The following MMP17 variants were observed in gnomAD, a reference collection of about 807,000 sequenced individuals.
MMP17 encodes the protein matrix metalloproteinase-17.
A neutral mutation model predicts 49.1 loss-of-function variants in MMP17; 54 were observed. That is an observed-to-expected ratio of 1.10 (90% CI 0.88 to 1.38). MMP17 has a LOEUF of 1.38. Among genes scored for constraint, MMP17 ranks in the 40% most tolerant of loss-of-function variants. MMP17 has a pLI of 0.00. For missense variants in MMP17, 837 were observed against 853.7 expected (o/e 0.98, Z 0.24); for synonymous variants, 397 against 383.1 (o/e 1.04, Z -0.42).
intron 1 of MMP17, among the ~76,000 whole-genome samples, chr12:131,832,873 T>G (rs573489028): frequency 6.6e-6 from 1 of 152,154 alleles, no homozygotes; most frequent in South Asian, 2.1e-4. Flanking sequence ...CCAAAGGGCC[T>G]TTGCACTTGC....
Position 131,845,331 on chromosome 12 carries a change from C to G in MMP17, c.1086C>G (p.His362Gln), listed in dbSNP as rs750420686. The stretch of plus-strand genomic sequence containing the variant: ...TCTGGCGGCTGACGCGGGACCGGCA[C>G]CTGGTGTCCCTGCAGCCGGCACAGA... ...KYFWRLTRDR[H>Q]LVSLQPAQMH... is the part of the protein sequence containing the mutation. The change falls in exon 8 of 10, where the codon CAC becomes CAG. Residue 362 changes from histidine (H) to glutamine (Q), a missense_variant. Coordinates refer to ENST00000360564, the MANE Select transcript of MMP17 (RefSeq NM_016155.7). The G allele has an allele frequency of 6.2e-7, 1 of 1,604,900 alleles. No homozygotes were observed. Among genetic ancestry groups the G allele is most frequent in the African/African-American group, 1.3e-5 (1 of 74,962 alleles).
At chr12:131,842,572 G>A (rs910054072) in intron 5 of MMP17, among the ~76,000 whole-genome samples, 1 of 152,034 alleles carries the variant, frequency 6.6e-6, no homozygotes, top group Admixed American at 6.6e-5. Context: ...TCAGGAGTTT[G>A]AGACCAGCCT....
chr12:131,845,325 C>G lies in MMP17; in HGVS notation c.1080C>G (p.Asp360Glu). 1 of 1,605,898 alleles carries G rather than the reference C, an allele frequency of 6.2e-7. No homozygotes were observed. The highest frequency in any genetic ancestry group is 8.5e-7 in the Non-Finnish European group (1 of 1,175,486). ...AGTACTTCTGGCGGCTGACGCGGGA[C>G]CGGCACCTGGTGTCCCTGCAGCCGG... ...KGKYFWRLTRDRHLVSLQPAQ... is the reference protein window; with the variant it reads ...KGKYFWRLTRERHLVSLQPAQ... The change falls in exon 8 of 10, where the codon GAC becomes GAG. Residue 360 changes from aspartate to glutamate, a missense_variant. Physicochemically the swap from Asp to Glu is conservative, Grantham distance 45. Transcript: ENST00000360564.
chr12:131,832,784 C>A (rs558134176), intron 1 of MMP17, among the ~76,000 whole-genome samples: 143 of 152,190 alleles, frequency 9.4e-4, no homozygotes, highest in African/African-American at 3.1e-3. Flanking sequence ...AAGGGCTCCA[C>A]GCGATCTGGC....
At chr12:131,844,677 C>G (rs191485419) in intron 6 of MMP17, 15 of 225,188 alleles carry the variant, frequency 6.7e-5, no homozygotes, top group African/African-American at 4.0e-4. Flanking sequence ...GAGCCACGCT[C>G]TGTGTCGAGT....
rs1887560217 is a variant in MMP17, at chr12:131,844,001, G to T, written c.888G>T (p.Val296=). Residue 296 remains valine, a synonymous_variant, in exon 6 of 10, where the codon GTG becomes GTT. Transcript: ENST00000360564. ...DKVRVWQLYG[V]RESVSPTAQP... Reference sequence around the variant, plus strand: ...CCTCCTCCTTGTCTCCCGCAGGTGTGCGGGAGTCTGTGTCTCCCACGGCGC... The same window carrying T: ...CCTCCTCCTTGTCTCCCGCAGGTGTTCGGGAGTCTGTGTCTCCCACGGCGC... 6.4e-7 allele frequency: 1 copy of T among 1,558,252 alleles called. No individual in the cohort carries two copies. Among genetic ancestry groups the T allele is most frequent in the East Asian group, 2.4e-5 (1 of 41,594 alleles).
At chr12:131,839,814 G>T (rs1272434392) in intron 3 of MMP17, among the ~76,000 whole-genome samples, 1 of 152,156 alleles carries the variant, frequency 6.6e-6, no homozygotes. Context: ...TGGGTATGGT[G>T]ATGTGTGCCT....
intron 6 of MMP17, chr12:131,844,702 C>CGCCGT: frequency 4.0e-6 from 1 of 251,638 alleles, no homozygotes; most frequent in Non-Finnish European, 7.9e-6. Flanking sequence ...TCTCGGTGGA[C>CGCCGT]ATGCACCTTG....
chr12:131,845,509 G>A, intron 8 of MMP17, 60 bp downstream of exon 8: 1 of 1,502,012 alleles, frequency 6.7e-7, no homozygotes. Context: ...CCTCATGGAG[G>A]GACGGAGAGG....
Position 131,838,313 on chromosome 12 carries a change from C to G in MMP17, c.278C>G (p.Ala93Gly), listed in dbSNP as rs1300477482. 1 of 1,612,826 alleles carries G rather than the reference C, an allele frequency of 6.2e-7. No individual in the cohort carries two copies. The highest frequency in any genetic ancestry group is 8.5e-7 in the Non-Finnish European group (1 of 1,179,900). ...TAMQQFGGLE[A>G]TGILDEATLA... Reference sequence around the variant, plus strand: ...ATGCAGCAGTTTGGTGGCCTGGAGGCCACCGGCATCCTGGGTCAGTTCTCC... The same window carrying G: ...ATGCAGCAGTTTGGTGGCCTGGAGGGCACCGGCATCCTGGGTCAGTTCTCC... Residue 93 changes from alanine (A) to glycine (G), a missense_variant, in exon 2 of 10, where the codon GCC becomes GGC. Ala to Gly is a moderately conservative substitution (Grantham distance 60). Transcript: ENST00000360564.
Position 131,841,765 on chromosome 12 carries a change from C to A in MMP17, c.848C>A (p.Pro283His), listed in dbSNP as rs1183679648. 6.2e-7 allele frequency: 1 copy of A among 1,610,652 alleles called. No individual in the cohort carries two copies. The highest frequency in any genetic ancestry group is 1.7e-5 in the Admixed American group (1 of 59,716). ...PVGDPLRYGL[P>H]YEDKVRVWQL... ...GGTGACCCGCTGCGCTACGGGCTCC[C>A]CTACGAGGACAAGGTGCGCGTCTGG... The change falls in exon 5 of 10, where the codon CCC becomes CAC. Residue 283 changes from proline (P) to histidine (H), a missense_variant. Physicochemically the swap from Pro to His is moderately conservative, Grantham distance 77. Coordinates refer to ENST00000360564, the MANE Select transcript of MMP17 (RefSeq NM_016155.7).
chr12:131,844,556 T>C, intron 6 of MMP17: 1 of 229,728 alleles, frequency 4.4e-6, no homozygotes, highest in Non-Finnish European at 8.6e-6. Context: ...CCCAGTGAAG[T>C]TGTCTTGAGA....
chr12:131,849,706 G>A, intron 8 of MMP17, 96 bp from the exon 9 acceptor site: 1 of 1,442,624 alleles, frequency 6.9e-7, no homozygotes, highest in Non-Finnish European at 9.4e-7. Context: ...AGGGGCCAGG[G>A]CAAGGGCGGC....
intron 5 of MMP17, among the ~76,000 whole-genome samples, chr12:131,843,408 G>A (rs1887525208): frequency 6.6e-6 from 1 of 151,164 alleles, no homozygotes; most frequent in Admixed American, 6.6e-5. Flanking sequence ...ATCACACCTG[G>A]CTAATTTTTA....
Position 131,828,461 on chromosome 12 carries a change from C to T in MMP17, c.-34C>T, listed in dbSNP as rs918441449. Reference sequence around the variant, plus strand: ...GGAACGCGAAGCGGAGGGCGCGGGACCCTGCACGCCGCCCGCGGGCCCATG... The same window carrying T: ...GGAACGCGAAGCGGAGGGCGCGGGATCCTGCACGCCGCCCGCGGGCCCATG... On this transcript the variant is annotated 5_prime_UTR_variant, in exon 1 of 10. Coordinates refer to ENST00000360564, the MANE Select transcript of MMP17 (RefSeq NM_016155.7). 7 of 987,580 alleles carry T rather than the reference C, an allele frequency of 7.1e-6. No individual in the cohort carries two copies. In the South Asian group the frequency reaches 1.8e-4, roughly 26 times the overall value. 61.2% of individuals were successfully genotyped at this position (987,580 alleles called of 1,614,324 possible).
intron 8 of MMP17, 100 bp downstream of exon 8, chr12:131,845,549 C>A: frequency 7.1e-7 from 1 of 1,408,882 alleles, no homozygotes; most frequent in Non-Finnish European, 9.3e-7. Flanking sequence ...CCTACGTCTG[C>A]CCAGAGGCTG....
At chr12:131,848,722 G>A (rs1019297556) in intron 8 of MMP17, among the ~76,000 whole-genome samples, 8 of 152,164 alleles carry the variant, frequency 5.3e-5, no homozygotes, top group African/African-American at 1.4e-4. Flanking sequence ...GAAGGTCCTC[G>A]GGGCTCATAC....
At chr12:131,838,362 C>T in intron 2 of MMP17, 35 bp downstream of exon 2, 2 of 1,606,732 alleles carry the variant, frequency 1.2e-6, no homozygotes, top group East Asian at 4.5e-5. Context: ...AGCGCCGTGG[C>T]CCCCGTCAGG....
rs1174523375 is a variant in MMP17 at position 131,851,148 on chromosome 12, A to C, written c.1686A>C (p.Ser562=). The change falls in exon 10 of 10, where the codon TCA becomes TCC. Residue 562 remains serine (S), a synonymous_variant. Transcript: ENST00000360564. ...CGGAGGACGGTTACGAGGTCTGCTC[A>C]TGCACCTCTGGGGCATCCTCTCCCC... is the stretch of plus-strand genomic sequence containing the variant. ...SRSEDGYEVC[S]CTSGASSPPG... is the part of the protein sequence containing the mutation. 1 of 1,560,252 alleles carries C rather than the reference A, an allele frequency of 6.4e-7. No homozygotes were observed. Among genetic ancestry groups the C allele is most frequent in the Non-Finnish European group, 8.7e-7 (1 of 1,152,584 alleles).
Sources: allele counts gnomAD v4.1 joint callset (sites outside exome capture counted in the v4.1 genomes callset), GRCh38; gene constraint gnomAD v4.1.1; transcripts MANE v1.5; gene names NCBI Gene and HGNC (gene_info 2026-07-23, HGNC 2026-07-21).